Variants in RHD observed in about 807,000 individuals in gnomAD.
RHD encodes blood group Rh(D) polypeptide.
In RHD, 16 loss-of-function variants were observed where a neutral mutation model predicts 45.5. The ratio of observed to expected loss-of-function variants is 0.35; its 90% CI spans 0.24 to 0.53. The LOEUF (loss-of-function observed/expected upper bound fraction) is 0.53. Among genes scored for constraint, RHD ranks in the 20% least tolerant of loss-of-function variants. The probability of loss-of-function intolerance (pLI) is 0.92; values close to 1 mark genes in which losing one functional copy is unlikely to be tolerated. For synonymous variants in RHD, 131 were observed against 217.5 expected, an observed-to-expected ratio of 0.60 and a Z score of 3.50; for missense variants, 306 against 532.0, an observed-to-expected ratio of 0.58 and a Z score of 4.18.
rs1209831043 is a variant in RHD at position 25,272,748 on chromosome 1, G to A, written c.148+53G>A. On this transcript the variant is annotated intron_variant, in intron 1 of 9. Coordinates refer to ENST00000328664, the MANE Select transcript of RHD (RefSeq NM_016124.6). Reference sequence around the variant, plus strand: ...AGGAGCAAATAGCAGGGGCAGGGGCGGGGGAGGCCTGTGGTTCTCCAGGGG... The same window carrying A: ...AGGAGCAAATAGCAGGGGCAGGGGCAGGGGAGGCCTGTGGTTCTCCAGGGG... The A allele has an allele frequency of 2.7e-5, 37 of 1,372,210 alleles. 12 individuals carry two copies. The highest frequency in any genetic ancestry group is 8.4e-5 in the African/African-American group (6 of 71,010). The allele number at this position is 1,372,210 out of a possible 1,614,324, so 85.0% of individuals were successfully genotyped here. A position where few individuals can be genotyped will look rare whatever the true frequency, so the allele number is the denominator to read the frequency against.
Position 25,329,932 on chromosome 1 carries a change from G to C in RHD, c.*1008G>C, listed in dbSNP as rs1644964156. 2.3e-5 allele frequency: 3 copies of C among 132,344 alleles called. 1 individual carries two copies. The highest frequency in any genetic ancestry group is 3.9e-4 in the East Asian group (2 of 5,112). The allele number at this position is 132,344 out of a possible 1,614,324, so 8.2% of individuals were successfully genotyped here. ...GGCCTCCCAAAGTGCTGGGATTACA[G>C]GTGTGAGCCACCGTGCCCAGCCTAT... On this transcript the variant is annotated 3_prime_UTR_variant, in exon 10 of 10. Transcript: ENST00000328664.
Position 25,283,121 on chromosome 1 carries a change from G to A in RHD, c.149-1452G>A, listed in dbSNP as rs1285017128. The stretch of plus-strand genomic sequence containing the variant: ...GCATTACATATACCATTTGATTCTG[G>A]CAACCTAATGAAGGAGTATGATCAT... On this transcript the variant is annotated intron_variant, in intron 1 of 9. Coordinates refer to ENST00000328664, the MANE Select transcript of RHD (RefSeq NM_016124.6). Among the ~76,000 whole-genome samples the A allele has an allele frequency of 8.3e-5, 11 of 132,174 alleles. 1 individual carries two copies. The highest frequency in any genetic ancestry group is 2.8e-4 in the African/African-American group (11 of 38,762). 86.7% of individuals were successfully genotyped at this position (132,174 alleles called of 152,430 possible).
intron 2 of RHD, among the ~76,000 whole-genome samples, chr1:25,285,775 A>G (rs1392018608): frequency 7.4e-6 from 1 of 135,078 alleles, no homozygotes; most frequent in Non-Finnish European, 1.8e-5. Context: ...TTCCTGAAAC[A>G]TTGTTTTGTT....
chr1:25,296,540 C>G (rs1300223054), intron 3 of RHD, among the ~76,000 whole-genome samples: 5 of 128,348 alleles, frequency 3.9e-5, no homozygotes, highest in African/African-American at 1.3e-4. Flanking sequence ...CCACCATAAC[C>G]GGCCTCAGTG....
intron 8 of RHD, among the ~76,000 whole-genome samples, chr1:25,319,477 G>A (rs1253963575): frequency 7.6e-6 from 1 of 131,768 alleles, no homozygotes; most frequent in Admixed American, 7.4e-5. Flanking sequence ...CAGGCGTGGT[G>A]GTACACCTGT....
chr1:25,278,223 T>A (rs1489542714), intron 1 of RHD, among the ~76,000 whole-genome samples: 1 of 129,638 alleles, frequency 7.7e-6, no homozygotes, highest in Non-Finnish European at 1.8e-5. Flanking sequence ...TGGCTGCAGA[T>A]GTATGATTTG....
chr1:25,319,584 G>A lies in RHD; in HGVS notation c.1154-2305G>A, dbSNP rs1274039984. Among the ~76,000 whole-genome samples the A allele has an allele frequency of 3.0e-5, 4 of 132,012 alleles. 2 individuals are homozygous for A. Among genetic ancestry groups the A allele is most frequent in the Non-Finnish European group, 7.2e-5 (4 of 55,738 alleles). 86.6% of individuals were successfully genotyped at this position (132,012 alleles called of 152,430 possible). A position where few individuals can be genotyped will look rare whatever the true frequency, so the allele number is the denominator to read the frequency against. On this transcript the variant is annotated intron_variant, in intron 8 of 9. Coordinates refer to ENST00000328664, the MANE Select transcript of RHD (RefSeq NM_016124.6). ...AGATCATGCCACTGCACTCCAGCCT[G>A]GACAACAGAGCAAGACCCTGTCTCA...
At position 25,276,426 on chromosome 1, in the gene RHD, A is replaced by AG. The variant is rs1327248479; in HGVS notation, c.148+3731_148+3732insG. Among the ~76,000 whole-genome samples the AG allele has an allele frequency of 3.2e-5, 4 of 125,978 alleles. 1 individual carries two copies. The highest frequency in any genetic ancestry group is 7.4e-5 in the Non-Finnish European group (4 of 54,052). The allele number at this position is 125,978 out of a possible 152,430, so 82.6% of individuals were successfully genotyped here. On this transcript the variant is annotated intron_variant, in intron 1 of 9. Transcript: ENST00000328664. The stretch of plus-strand genomic sequence containing the variant: ...TCTGTAATAGTTAATTAAAAAAAAA[A>AG]AAAAACACCCTGGCTGAGCATTTAG...
intron 1 of RHD, among the ~76,000 whole-genome samples, chr1:25,283,892 C>T (rs1176090108): frequency 1.5e-5 from 2 of 133,994 alleles, no homozygotes; most frequent in Non-Finnish European, 3.5e-5. Context: ...TTTGCTGGGC[C>T]CCTCCCTGCC....
In RHD at chr1:25,309,812, G is replaced by C. The variant is rs185611620; in HGVS notation, c.1073+3083G>C. 1.5e-5 allele frequency among the ~76,000 whole-genome samples: 2 copies of C among 132,666 alleles called. 1 individual carries two copies. The highest frequency in any genetic ancestry group is 3.6e-5 in the Non-Finnish European group (2 of 56,084). The allele number at this position is 132,666 out of a possible 152,430, so 87.0% of individuals were successfully genotyped here. A position where few individuals can be genotyped will look rare whatever the true frequency, so the allele number is the denominator to read the frequency against. The stretch of plus-strand genomic sequence containing the variant: ...TCACAGGGCTGCTGTGAGGACATGT[G>C]TTGAGCTGAGGGTCTCGCCAGGGGA... On this transcript the variant is annotated intron_variant, in intron 7 of 9. Coordinates refer to ENST00000328664, the MANE Select transcript of RHD (RefSeq NM_016124.6).
intron 9 of RHD, among the ~76,000 whole-genome samples, chr1:25,322,247 G>T (rs1644749495): frequency 1.5e-5 from 2 of 132,474 alleles, no homozygotes; most frequent in South Asian, 4.6e-4. Flanking sequence ...CCTATCTGCA[G>T]TCCTCAGCGT....
intron 1 of RHD, among the ~76,000 whole-genome samples, chr1:25,279,209 C>T (rs1641269521): frequency 8.0e-6 from 1 of 125,782 alleles, no homozygotes; most frequent in Admixed American, 7.8e-5. Context: ...AAAGTCACAC[C>T]GCTAATCAGC....
intron 1 of RHD, among the ~76,000 whole-genome samples, chr1:25,276,517 AC>A (rs59535574): frequency 0.84 from 76,761 of 91,694 alleles, 35,642 homozygotes; most frequent in Non-Finnish European, 0.99. Flanking sequence ...ACATAGGGAG[AC>A]CCCCCCCCAT....
chr1:25,307,505 C>A (rs1643911262), intron 7 of RHD: 1 of 499,444 alleles, frequency 2.0e-6, no homozygotes, highest in Admixed American at 3.1e-5. Context: ...ATAACATTTA[C>A]TACTGTTATT....
At chr1:25,283,234 T>C (rs1270079333) in intron 1 of RHD, among the ~76,000 whole-genome samples, 2 of 131,964 alleles carry the variant, frequency 1.5e-5, no homozygotes, top group Admixed American at 1.5e-4. Flanking sequence ...TATCTAGGTG[T>C]AAATCTTGGC....
chr1:25,285,797 T>C (rs1641933948), intron 2 of RHD, among the ~76,000 whole-genome samples: 1 of 135,098 alleles, frequency 7.4e-6, no homozygotes. Context: ...TGTTCAAACC[T>C]CTGAATCCCT....
rs1210469108 is a variant in RHD at position 25,302,214 on chromosome 1, G to A, written c.801+528G>A. Reference sequence around the variant, plus strand: ...AGTGCTTAACGGGGAGTAAATGGTAGGCAAACATTAGCTGCTGCTATTAGT... The same window carrying A: ...AGTGCTTAACGGGGAGTAAATGGTAAGCAAACATTAGCTGCTGCTATTAGT... On this transcript the variant is annotated intron_variant, in intron 5 of 9. Coordinates refer to ENST00000328664, the MANE Select transcript of RHD (RefSeq NM_016124.6). Among the ~76,000 whole-genome samples the A allele has an allele frequency of 1.5e-5, 2 of 131,154 alleles. 1 individual carries two copies. Among genetic ancestry groups the A allele is most frequent in the Non-Finnish European group, 3.6e-5 (2 of 55,714 alleles). The allele number at this position is 131,154 out of a possible 152,430, so 86.0% of individuals were successfully genotyped here.
rs149598033 is a variant in RHD, at chr1:25,290,792, G to A, written c.486+1G>A. The A allele has an allele frequency of 7.3e-5, 101 of 1,376,302 alleles. 29 individuals are homozygous for A. Among genetic ancestry groups the A allele is most frequent in the Middle Eastern group, 1.8e-4 (1 of 5,514 alleles). The allele number at this position is 1,376,302 out of a possible 1,614,324, so 85.3% of individuals were successfully genotyped here. On this transcript the variant is annotated splice_donor_variant, in intron 3 of 9. Transcript: ENST00000328664. LOFTEE classifies it high-confidence loss of function. ...GATGGTCATCAGTAATATCTTCAAC[G>A]TGAGTCATGGTGCTGGGAGGAGGGA...
chr1:25,274,819 C>T lies in RHD; in HGVS notation c.148+2124C>T, dbSNP rs1428618173. On this transcript the variant is annotated intron_variant, in intron 1 of 9. Coordinates refer to ENST00000328664, the MANE Select transcript of RHD (RefSeq NM_016124.6). ...GTTAGGAGTTCGAGACCAGCCTGGC[C>T]AACATGGCAAAACCGCATCTCTACT... is the stretch of plus-strand genomic sequence containing the variant. 3.0e-5 allele frequency among the ~76,000 whole-genome samples: 4 copies of T among 133,086 alleles called. 1 individual carries two copies. Among genetic ancestry groups the T allele is most frequent in the African/African-American group, 1.0e-4 (4 of 39,022 alleles). The allele number at this position is 133,086 out of a possible 152,430, so 87.3% of individuals were successfully genotyped here.
Sources: gnomAD v4.1 joint callset for allele counts (sites outside exome capture counted in the v4.1 genomes callset) on GRCh38, gnomAD v4.1.1 for gene constraint, MANE v1.5 for transcripts, NCBI Gene and HGNC (gene_info 2026-07-23, HGNC 2026-07-21) for gene names.